The following TMEM178B variants were observed in gnomAD, a reference collection of about 807,000 sequenced individuals.
The protein encoded by TMEM178B is transmembrane protein 178B.
TMEM178B carries 5 observed loss-of-function variants against 31.0 expected under a neutral mutation model. That is an observed-to-expected ratio of 0.16 (90% confidence interval 0.08 to 0.34). The LOEUF is 0.34. Among genes scored for constraint, TMEM178B ranks in the 10% least tolerant of loss-of-function variants. TMEM178B has a pLI of 1.00. For synonymous variants in TMEM178B, 164 were observed against 164.0 expected (o/e 1.00, Z 0.00); for missense variants, 275 against 400.3 (o/e 0.69, Z 2.67).
In TMEM178B at chr7:141,315,777, T is replaced by C. The variant is rs796855961; in HGVS notation, c.496+103073T>C. Among the ~76,000 whole-genome samples, 6 of 152,322 alleles carry C rather than the reference T, an allele frequency of 3.9e-5. 1 individual carries two copies. Among genetic ancestry groups the C allele is most frequent in the African/African-American group, 1.2e-4 (5 of 41,582 alleles). On this transcript the variant is annotated intron_variant, in intron 2 of 3. Coordinates refer to ENST00000565468, the MANE Select transcript of TMEM178B (RefSeq NM_001195278.2). ...CTTGACATGTGGAGTTGCTTGGCACTAGAGTGCGGAATGAAGTTTAAGGTT... is the reference window on the plus strand; with the variant it reads ...CTTGACATGTGGAGTTGCTTGGCACCAGAGTGCGGAATGAAGTTTAAGGTT...
intron 2 of TMEM178B, among the ~76,000 whole-genome samples, chr7:141,262,705 G>A (rs1234395572): frequency 3.9e-5 from 6 of 152,188 alleles, no homozygotes; most frequent in Non-Finnish European, 8.8e-5. Flanking sequence ...AACTCAGCCT[G>A]AACAGTCATT....
At chr7:141,090,227 C>T (rs1164301171) in intron 1 of TMEM178B, among the ~76,000 whole-genome samples, 4 of 151,942 alleles carry the variant, frequency 2.6e-5, no homozygotes, top group Non-Finnish European at 5.9e-5. Context: ...ACTCTGTGGC[C>T]CCGGCTGGAG....
In TMEM178B at chr7:141,476,482, A is replaced by G. The variant is rs1373123934; in HGVS notation, c.*5696A>G. ...CTCCTAACGTTATTTCTAGCTGTAC[A>G]TTCCCAAAAGGAATGGGTGGAAGCA... is the stretch of plus-strand genomic sequence containing the variant. On this transcript the variant is annotated 3_prime_UTR_variant, in exon 4 of 4. Coordinates refer to ENST00000565468, the MANE Select transcript of TMEM178B (RefSeq NM_001195278.2). 2 of 152,100 alleles carry G rather than the reference A, an allele frequency of 1.3e-5. No individual in the cohort carries two copies. Among genetic ancestry groups the G allele is most frequent in the African/African-American group, 2.4e-5 (1 of 41,410 alleles). 9.4% of individuals were successfully genotyped at this position (152,100 alleles called of 1,614,324 possible). A position where few individuals can be genotyped will look rare whatever the true frequency, so the allele number is the denominator to read the frequency against.
chr7:141,347,073 C>T (rs1018012386), intron 2 of TMEM178B, among the ~76,000 whole-genome samples: 2 of 152,176 alleles, frequency 1.3e-5, no homozygotes, highest in East Asian at 3.9e-4. Flanking sequence ...TCCCCTTCAC[C>T]TTCTGCCATG....
chr7:141,332,275 A>C (rs1163072998), intron 2 of TMEM178B, among the ~76,000 whole-genome samples: 2 of 152,242 alleles, frequency 1.3e-5, no homozygotes, highest in Non-Finnish European at 2.9e-5. Context: ...AATTACATAC[A>C]TTATATTGCC....
chr7:141,290,620 A>C (rs1044662750), intron 2 of TMEM178B, among the ~76,000 whole-genome samples: 4 of 152,164 alleles, frequency 2.6e-5, no homozygotes, highest in African/African-American at 7.2e-5. Flanking sequence ...CGCGTGCTTT[A>C]AATAATACAT....
At chr7:141,506,082 T>C in the TMEM178B span, among the ~76,000 whole-genome samples, 1 of 152,264 alleles carries the variant, frequency 6.6e-6, no homozygotes, top group African/African-American at 2.4e-5. Flanking sequence ...GGAAACATCA[T>C]TGCTCTACAG....
intron 2 of TMEM178B, among the ~76,000 whole-genome samples, chr7:141,400,772 G>A (rs1462913064): frequency 6.6e-6 from 1 of 152,240 alleles, no homozygotes; most frequent in African/African-American, 2.4e-5. Flanking sequence ...CTTGAGGTGT[G>A]AGTAGTAGAG....
In TMEM178B at chr7:141,099,940, C is replaced by T. The variant is rs969285301; in HGVS notation, c.382+25248C>T. Among the ~76,000 whole-genome samples, 7 of 152,122 alleles carry T rather than the reference C, an allele frequency of 4.6e-5. No homozygotes were observed. The South Asian group carries it at 1.0e-3, about 23-fold the overall frequency. Reference sequence around the variant, plus strand: ...CGCATCCCGGGTTCACGCCATTCTCCTCCCTCGTAGCTGGGACTACAGGCA... The same window carrying T: ...CGCATCCCGGGTTCACGCCATTCTCTTCCCTCGTAGCTGGGACTACAGGCA... On this transcript the variant is annotated intron_variant, in intron 1 of 3. Transcript: ENST00000565468.
chr7:141,240,239 A>G (rs542764983), intron 2 of TMEM178B, among the ~76,000 whole-genome samples: 1 of 152,328 alleles, frequency 6.6e-6, no homozygotes, highest in East Asian at 1.9e-4. Flanking sequence ...ATTTAAAAAA[A>G]TGAGGTTTTT....
chr7:141,078,603 A>G (rs747978676), intron 1 of TMEM178B, among the ~76,000 whole-genome samples: 96 of 152,200 alleles, frequency 6.3e-4, no homozygotes, highest in Non-Finnish European at 1.1e-3. Context: ...CTACAGGATG[A>G]TGAGAGCAGC....
At chr7:141,423,872 G>A (rs530338060) in intron 2 of TMEM178B, among the ~76,000 whole-genome samples, 10 of 142,358 alleles carry the variant, frequency 7.0e-5, no homozygotes, top group South Asian at 4.5e-4. Context: ...GTAGTGGCAC[G>A]ATCTTGGCTC....
At chr7:141,334,471 G>A (rs1799350270) in intron 2 of TMEM178B, among the ~76,000 whole-genome samples, 1 of 152,162 alleles carries the variant, frequency 6.6e-6, no homozygotes, top group Non-Finnish European at 1.5e-5. Flanking sequence ...AGTTCCTATT[G>A]CACACTTGCA....
At chr7:141,411,824 T>C (rs1800995482) in intron 2 of TMEM178B, among the ~76,000 whole-genome samples, 1 of 152,262 alleles carries the variant, frequency 6.6e-6, no homozygotes, top group Admixed American at 6.5e-5. Context: ...ACCTAAGGAA[T>C]CCAGCATCTT....
the TMEM178B span, among the ~76,000 whole-genome samples, chr7:141,509,648 C>T: frequency 6.6e-6 from 1 of 152,082 alleles, no homozygotes; most frequent in African/African-American, 2.4e-5. Context: ...GAGATTCCTT[C>T]TCAAAAACAA....
intron 2 of TMEM178B, among the ~76,000 whole-genome samples, chr7:141,302,351 G>A (rs1259354773): frequency 6.6e-6 from 1 of 152,164 alleles, no homozygotes; most frequent in Non-Finnish European, 1.5e-5. Flanking sequence ...GACAAATATT[G>A]TATGATTCCA....
intron 2 of TMEM178B, among the ~76,000 whole-genome samples, chr7:141,274,358 C>A (rs964218958): frequency 6.6e-6 from 1 of 152,084 alleles, no homozygotes; most frequent in Non-Finnish European, 1.5e-5. Context: ...CATTCCAGAC[C>A]CCTCCTCTGT....
chr7:141,365,370 G>A (rs144214687), intron 2 of TMEM178B, among the ~76,000 whole-genome samples: 8 of 152,314 alleles, frequency 5.3e-5, no homozygotes, highest in South Asian at 4.1e-4. Context: ...TGATGCCCTC[G>A]CAGTGTGCTG....
At chr7:141,408,027 A>G (rs1800916226) in intron 2 of TMEM178B, among the ~76,000 whole-genome samples, 1 of 152,176 alleles carries the variant, frequency 6.6e-6, no homozygotes, top group Admixed American at 6.5e-5. Flanking sequence ...GACTTTACAC[A>G]CATCGCTCAG....
Sources: gnomAD v4.1 joint callset for allele counts (sites outside exome capture counted in the v4.1 genomes callset) on GRCh38, gnomAD v4.1.1 for gene constraint, MANE v1.5 for transcripts, NCBI Gene and HGNC (gene_info 2026-07-23, HGNC 2026-07-21) for gene names.